Variants in CCDC171 observed in about 807,000 individuals in gnomAD.
CCDC171 encodes coiled-coil domain containing 171, also known as coiled-coil domain-containing protein 171.
In CCDC171, 177 loss-of-function variants were observed where a neutral mutation model predicts 168.2. That is an observed-to-expected ratio of 1.05 (90% CI 0.93 to 1.19). The LOEUF (loss-of-function observed/expected upper bound fraction) is 1.19. CCDC171 is among the 50% of genes most tolerant of loss of function. The probability of loss-of-function intolerance (pLI) is 0.00; values close to 1 mark genes in which losing one functional copy is unlikely to be tolerated. For synonymous variants in CCDC171, 687 were observed against 540.8 expected (o/e 1.27, Z -3.75); for missense variants, 1,991 against 1,539.0 (o/e 1.29, Z -4.91).
chr9:15,936,273 G>A (rs1465277941), intron 25 of CCDC171, among the ~76,000 whole-genome samples: 2 of 151,782 alleles, frequency 1.3e-5, no homozygotes, highest in Non-Finnish European at 2.9e-5. Flanking sequence ...TCATATGAAA[G>A]TTATAGACAC....
intron 21 of CCDC171, among the ~76,000 whole-genome samples, chr9:15,787,574 A>G (rs1393101057): frequency 6.6e-6 from 1 of 151,928 alleles, no homozygotes. Context: ...ATAAGTAAGT[A>G]TCAAGATGAA....
chr9:16,018,000 A>T (rs1833072390), intron 3 of CCDC171, among the ~76,000 whole-genome samples: 2 of 152,242 alleles, frequency 1.3e-5, no homozygotes, highest in South Asian at 4.1e-4. Flanking sequence ...ACATGCCCTT[A>T]TCTCATTTCT....
the CCDC171 span, among the ~76,000 whole-genome samples, chr9:16,067,180 T>A: frequency 6.6e-6 from 1 of 152,076 alleles, no homozygotes. Flanking sequence ...GGTATCTCAT[T>A]GTGGTTTTGA....
chr9:15,652,092 A>G (rs2047571497), intron 7 of CCDC171, among the ~76,000 whole-genome samples: 1 of 152,040 alleles, frequency 6.6e-6, no homozygotes, highest in African/African-American at 2.4e-5. Context: ...TTTTTTGTAG[A>G]GACCAGGTTT....
At chr9:16,020,539 A>G (rs1189716079) in intron 3 of CCDC171, 2 of 154,342 alleles carry the variant, frequency 1.3e-5, no homozygotes, top group African/African-American at 4.8e-5. Flanking sequence ...CCACTTTTTC[A>G]CTTAAAGAAA....
intron 21 of CCDC171, among the ~76,000 whole-genome samples, chr9:15,789,526 C>T (rs986597986): frequency 3.3e-5 from 5 of 152,084 alleles, no homozygotes; most frequent in African/African-American, 1.2e-4. Context: ...AAAAGGCTTG[C>T]CTAATCTAGT....
chr9:16,068,152 A>G, the CCDC171 span, among the ~76,000 whole-genome samples: 1 of 142,752 alleles, frequency 7.0e-6, no homozygotes, highest in Non-Finnish European at 1.5e-5. Flanking sequence ...AAGCATTCTT[A>G]TACACCAACA....
At chr9:16,057,645 C>T (rs774296033) in intron 1 of CCDC171, among the ~76,000 whole-genome samples, 2 of 152,214 alleles carry the variant, frequency 1.3e-5, no homozygotes, top group Non-Finnish European at 2.9e-5. Flanking sequence ...ATGTGACCTG[C>T]CACTGGGTCC....
intron 16 of CCDC171, among the ~76,000 whole-genome samples, chr9:15,737,319 A>G (rs1199178805): frequency 6.6e-6 from 1 of 152,198 alleles, no homozygotes; most frequent in African/African-American, 2.4e-5. Context: ...AGTAAATAAT[A>G]CAAGGTTTAT....
At chr9:15,913,165 C>G (rs1487198064) in intron 24 of CCDC171, among the ~76,000 whole-genome samples, 1 of 152,116 alleles carries the variant, frequency 6.6e-6, no homozygotes, top group East Asian at 1.9e-4. Flanking sequence ...TCCGTTTGGT[C>G]CTGGGCTTTT....
intron 6 of CCDC171, among the ~76,000 whole-genome samples, chr9:15,597,053 G>A (rs1483645369): frequency 3.3e-5 from 5 of 152,058 alleles, no homozygotes; most frequent in South Asian, 2.1e-4. Flanking sequence ...GGGCTGAGAC[G>A]ATGGGGTTTT....
chr9:15,574,994 G>A (rs919894932), intron 3 of CCDC171, among the ~76,000 whole-genome samples: 20 of 152,198 alleles, frequency 1.3e-4, no homozygotes, highest in African/African-American at 4.3e-4. Flanking sequence ...GGAAAATACT[G>A]TAAGGTTTTT....
intron 21 of CCDC171, among the ~76,000 whole-genome samples, chr9:15,832,642 G>A (rs903249795): frequency 6.6e-6 from 1 of 152,152 alleles, no homozygotes; most frequent in Admixed American, 6.5e-5. Context: ...TGGGGCTTGA[G>A]GGACTGGAAG....
rs778318269 is a variant in CCDC171 at position 15,777,741 on chromosome 9, C to G, written c.2813C>G (p.Ser938Cys). 6.8e-6 allele frequency: 11 copies of G among 1,613,820 alleles called. No individual in the cohort carries two copies. The highest frequency in any genetic ancestry group is 3.3e-5 in the Admixed American group (2 of 59,958). ...AGTATTACATATGTAGAAAAAGATT[C>G]CCTGGTTCAGAGGCTGGCCCATGGA... ...SRSITYVEKD[S>C]LVQRLAHGLH... Residue 938 changes from serine (S) to cysteine (C), a missense_variant, in exon 19 of 26, where the codon TCC becomes TGC. Transcript: ENST00000380701.
chr9:15,716,814 C>G (rs2053120255), intron 11 of CCDC171, among the ~76,000 whole-genome samples: 1 of 152,114 alleles, frequency 6.6e-6, no homozygotes, highest in Non-Finnish European at 1.5e-5. Context: ...GAGTAAAGCC[C>G]TCATAACCCA....
chr9:15,888,949 C>CTTTTTTTTTTTTTTTTT lies in CCDC171; in HGVS notation c.3600+14296_3600+14312dup, dbSNP rs371508341. 18 of 73,338 alleles carry CTTTTTTTTTTTTTTTTT rather than the reference C, an allele frequency of 2.5e-4. 5 individuals carry two copies. Among genetic ancestry groups the CTTTTTTTTTTTTTTTTT allele is most frequent in the East Asian group, 4.8e-4 (1 of 2,082 alleles). 4.5% of individuals were successfully genotyped at this position (73,338 alleles called of 1,614,324 possible). ...ATGGTATATGCCTCATTTTTCTTTTCTTTTTTTTTTTTTTTTTTTTTTTTT... is the reference window on the plus strand; with the variant it reads ...ATGGTATATGCCTCATTTTTCTTTTCTTTTTTTTTTTTTTTTTTTTTTTTTTTTTTTTTTTTTTTTTT... On this transcript the variant is annotated intron_variant, in intron 24 of 25. Transcript: ENST00000380701.
At chr9:16,079,340 A>G in the CCDC171 span, among the ~76,000 whole-genome samples, 1 of 152,224 alleles carries the variant, frequency 6.6e-6, no homozygotes, top group African/African-American at 2.4e-5. Flanking sequence ...ATTTGGAGCT[A>G]GGGTCTTCAC....
chr9:15,643,281 A>G (rs149967199), intron 7 of CCDC171, among the ~76,000 whole-genome samples: 3 of 152,120 alleles, frequency 2.0e-5, no homozygotes. Flanking sequence ...AACTGACTTC[A>G]GTTCTTTAAG....
At chr9:16,052,963 TC>T (rs1220432485) in intron 1 of CCDC171, among the ~76,000 whole-genome samples, 1 of 152,060 alleles carries the variant, frequency 6.6e-6, no homozygotes, top group Non-Finnish European at 1.5e-5. Flanking sequence ...CAGATGGACT[TC>T]CGCTCTTCCC....
Sources: gnomAD v4.1 joint callset for allele counts (sites outside exome capture counted in the v4.1 genomes callset) on GRCh38, gnomAD v4.1.1 for gene constraint, MANE v1.5 for transcripts, NCBI Gene and HGNC (gene_info 2026-07-23, HGNC 2026-07-21) for gene names.